Variants in NAALADL2 observed in about 807,000 individuals in gnomAD.
NAALADL2 encodes N-acetylated alpha-linked acidic dipeptidase like 2, also known as inactive N-acetylated-alpha-linked acidic dipeptidase-like protein 2.
A neutral mutation model predicts 87.2 loss-of-function variants in NAALADL2; 76 were observed. The observed-to-expected ratio is 0.87, with a 90% CI of 0.72 to 1.05. The LOEUF is 1.05. Ranked by LOEUF, NAALADL2 falls within the 50% of genes least tolerant of loss-of-function variation. The pLI is 0.00. For missense variants in NAALADL2, 1,089 were observed against 945.8 expected (o/e 1.15, Z -1.99); for synonymous variants, 354 against 331.0 (o/e 1.07, Z -0.75).
At chr3:174,938,471 T>G (rs1738043280) in intron 1 of NAALADL2, among the ~76,000 whole-genome samples, 1 of 152,130 alleles carries the variant, frequency 6.6e-6, no homozygotes, top group Non-Finnish European at 1.5e-5. Context: ...TTGTGACTAG[T>G]GCTGCAATGA....
At chr3:175,778,481 T>C (rs1485972361) in intron 13 of NAALADL2, among the ~76,000 whole-genome samples, 1 of 152,200 alleles carries the variant, frequency 6.6e-6, no homozygotes, top group Non-Finnish European at 1.5e-5. Flanking sequence ...GGGCAGGAGA[T>C]GTCATCTGAT....
chr3:174,500,271 T>A (rs1188727481), intron 1 of NAALADL2, among the ~76,000 whole-genome samples: 2 of 152,212 alleles, frequency 1.3e-5, no homozygotes, highest in Non-Finnish European at 2.9e-5. Flanking sequence ...ACGTGGATCT[T>A]GGATCCTACC....
chr3:175,233,149 T>C (rs1198505085), intron 2 of NAALADL2, among the ~76,000 whole-genome samples: 1 of 152,230 alleles, frequency 6.6e-6, no homozygotes, highest in African/African-American at 2.4e-5. Flanking sequence ...AACATTGTGC[T>C]CATAGCATCA....
At chr3:175,089,662 G>C (rs1051669482) in intron 1 of NAALADL2, among the ~76,000 whole-genome samples, 5 of 152,054 alleles carry the variant, frequency 3.3e-5, no homozygotes, top group Non-Finnish European at 5.9e-5. Context: ...CAAAATCTAA[G>C]TGCAAAAGAT....
intron 2 of NAALADL2, among the ~76,000 whole-genome samples, chr3:174,661,835 A>T (rs1003969220): frequency 6.6e-6 from 1 of 152,214 alleles, no homozygotes; most frequent in African/African-American, 2.4e-5. Context: ...ACGCACACAC[A>T]CACACACACG....
intron 2 of NAALADL2, among the ~76,000 whole-genome samples, chr3:174,612,633 A>G (rs1413573804): frequency 6.6e-6 from 1 of 151,922 alleles, no homozygotes; most frequent in Non-Finnish European, 1.5e-5. Context: ...TTTCTACTTG[A>G]TTCTTTTTAA....
intron 11 of NAALADL2, among the ~76,000 whole-genome samples, chr3:175,734,601 A>G (rs1402176597): frequency 1.3e-5 from 2 of 152,124 alleles, no homozygotes; most frequent in East Asian, 3.9e-4. Flanking sequence ...TCCAAACCAC[A>G]ATTCTTGGCT....
chr3:175,165,655 T>C (rs955441477), intron 2 of NAALADL2, among the ~76,000 whole-genome samples: 2 of 152,164 alleles, frequency 1.3e-5, no homozygotes, highest in Admixed American at 1.3e-4. Context: ...ATTAACTTAG[T>C]GTGTGGTGCT....
chr3:175,729,987 A>G (rs1253954491), intron 11 of NAALADL2, among the ~76,000 whole-genome samples: 1 of 152,118 alleles, frequency 6.6e-6, no homozygotes, highest in African/African-American at 2.4e-5. Flanking sequence ...TAATCTGGGT[A>G]TATAAAAATA....
At chr3:175,113,171 A>G (rs1724491628) in intron 2 of NAALADL2, among the ~76,000 whole-genome samples, 1 of 151,658 alleles carries the variant, frequency 6.6e-6, no homozygotes, top group African/African-American at 2.4e-5. Context: ...TAGGAAAATT[A>G]TAAGATCAGA....
intron 1 of NAALADL2, among the ~76,000 whole-genome samples, chr3:174,951,225 A>G (rs1740291439): frequency 1.3e-5 from 2 of 152,018 alleles, no homozygotes; most frequent in South Asian, 2.1e-4. Flanking sequence ...TGGGATGTAA[A>G]TGTAGCAAAA....
chr3:175,265,846 G>A (rs914722239), intron 4 of NAALADL2, among the ~76,000 whole-genome samples: 1 of 150,988 alleles, frequency 6.6e-6, no homozygotes, highest in Admixed American at 6.6e-5. Flanking sequence ...AAAACAATAT[G>A]CACTCAATAA....
At chr3:175,250,043 C>A (rs1383787788) in intron 3 of NAALADL2, among the ~76,000 whole-genome samples, 1 of 151,926 alleles carries the variant, frequency 6.6e-6, no homozygotes, top group African/African-American at 2.4e-5. Flanking sequence ...GTGGCGCATG[C>A]CTGTAATCCC....
chr3:175,786,749 G>A (rs1263989235), intron 13 of NAALADL2, among the ~76,000 whole-genome samples: 3 of 152,024 alleles, frequency 2.0e-5, no homozygotes, highest in South Asian at 4.1e-4. Flanking sequence ...GTGAGGAACT[G>A]CGTTCCTTTG....
chr3:175,404,601 G>T (rs1247960818), intron 5 of NAALADL2, among the ~76,000 whole-genome samples: 2 of 152,108 alleles, frequency 1.3e-5, no homozygotes, highest in Non-Finnish European at 2.9e-5. Context: ...ACAATAACTA[G>T]ATTTAAATTC....
intron 6 of NAALADL2, among the ~76,000 whole-genome samples, chr3:175,462,457 G>A (rs1723290029): frequency 6.6e-6 from 1 of 152,086 alleles, no homozygotes; most frequent in Admixed American, 6.6e-5. Context: ...TTGAGGGAAA[G>A]AAGTAATATA....
intron 11 of NAALADL2, among the ~76,000 whole-genome samples, chr3:175,666,889 C>T (rs1733074479): frequency 6.6e-6 from 1 of 151,924 alleles, no homozygotes; most frequent in African/African-American, 2.4e-5. Context: ...TATATTAGCA[C>T]TTAATTCAAA....
chr3:175,029,975 ATTGACTATAATTGAGGAGG>A, intron 1 of NAALADL2, among the ~76,000 whole-genome samples: 1 of 152,216 alleles, frequency 6.6e-6, no homozygotes, highest in African/African-American at 2.4e-5. Flanking sequence ...AAACCTTGAC[ATTGACTATAATTGAGGAGG>A]TTAGTGTCAG....
chr3:174,500,070 T>C (rs1718790698), intron 1 of NAALADL2, among the ~76,000 whole-genome samples: 1 of 152,184 alleles, frequency 6.6e-6, no homozygotes, highest in Admixed American at 6.5e-5. Context: ...GGTGTGCCTC[T>C]CTGTTTACAT....
Sources: allele counts gnomAD v4.1 joint callset (sites outside exome capture counted in the v4.1 genomes callset), GRCh38; gene constraint gnomAD v4.1.1; transcripts MANE v1.5; gene names NCBI Gene and HGNC (gene_info 2026-07-23, HGNC 2026-07-21).